The following MAD1L1 variants were observed in gnomAD, a reference collection of about 807,000 sequenced individuals.
MAD1L1 encodes the protein mitotic arrest deficient 1 like 1, also known as mitotic spindle assembly checkpoint protein MAD1.
MAD1L1 carries 95 observed loss-of-function variants against 96.9 expected under a neutral mutation model. The ratio of observed to expected loss-of-function variants is 0.98; its 90% CI spans 0.83 to 1.16. The LOEUF (loss-of-function observed/expected upper bound fraction) is 1.16, where lower values mean the gene tolerates loss of function less well. Ranked by LOEUF, MAD1L1 falls within the 50% of genes most tolerant of loss-of-function variation. The pLI is 0.00. For missense variants in MAD1L1, 1,007 were observed against 954.4 expected (o/e 1.06, Z -0.73); for synonymous variants, 473 against 396.6 (o/e 1.19, Z -2.29).
At position 1,829,172 on chromosome 7, in the gene MAD1L1, T is replaced by C. The variant is rs189712856; in HGVS notation, c.1999-12944A>G. Among the ~76,000 whole-genome samples the C allele has an allele frequency of 3.3e-5, 5 of 152,388 alleles. No homozygotes were observed. The East Asian group carries it at 9.6e-4, about 29-fold the overall frequency. ...AGTCCTGGAGGCAGGCTGGTGGCACTTCTGAAATGGCTCCTGATGGTCCCC... is the reference window on the plus strand; with the variant it reads ...AGTCCTGGAGGCAGGCTGGTGGCACCTCTGAAATGGCTCCTGATGGTCCCC... On this transcript the variant is annotated intron_variant, in intron 18 of 18. Transcript: ENST00000265854.
intron 12 of MAD1L1, among the ~76,000 whole-genome samples, chr7:2,048,152 G>C (rs529798092): frequency 6.6e-6 from 1 of 152,156 alleles, no homozygotes; most frequent in Non-Finnish European, 1.5e-5. Flanking sequence ...ACTGAGCACC[G>C]ACACGGGTGT....
chr7:2,168,612 T>C (rs1790552066), intron 10 of MAD1L1, among the ~76,000 whole-genome samples: 1 of 152,214 alleles, frequency 6.6e-6, no homozygotes, highest in Non-Finnish European at 1.5e-5. Flanking sequence ...GATCTGTGAT[T>C]CTCCTTCAGC....
chr7:1,863,380 C>T (rs2128648942), intron 18 of MAD1L1, among the ~76,000 whole-genome samples: 1 of 152,312 alleles, frequency 6.6e-6, no homozygotes, highest in African/African-American at 2.4e-5. Context: ...AGGCCCGGGG[C>T]CAGCGGCACG....
intron 11 of MAD1L1, among the ~76,000 whole-genome samples, chr7:2,100,643 C>T (rs967745584): frequency 6.6e-6 from 1 of 152,258 alleles, no homozygotes; most frequent in Non-Finnish European, 1.5e-5. Context: ...TTGGAAACGG[C>T]CGCACTGGGC....
chr7:2,224,853 G>C (rs1016920352), intron 4 of MAD1L1, among the ~76,000 whole-genome samples: 7 of 152,154 alleles, frequency 4.6e-5, no homozygotes, highest in Non-Finnish European at 1.0e-4. Context: ...AGCCGCCATT[G>C]AGACCGGCAC....
At position 2,149,250 on chromosome 7, in the gene MAD1L1, A is replaced by C. The variant is rs757959459; in HGVS notation, c.987-12T>G. ...GGTCTTCTGGAGTCCTGCAGGATAA[A>C]CAAGGCACACTCAGTTCCAGCTGTC... On this transcript the variant is annotated splice_polypyrimidine_tract_variant and intron_variant, in intron 10 of 18. Coordinates refer to ENST00000265854, the MANE Select transcript of MAD1L1 (RefSeq NM_001013836.2). The C allele has an allele frequency of 6.2e-7, 1 of 1,606,218 alleles. No individual in the cohort carries two copies. The highest frequency in any genetic ancestry group is 1.1e-5 in the South Asian group (1 of 90,792).
chr7:2,164,093 G>C (rs6972680), intron 10 of MAD1L1, among the ~76,000 whole-genome samples: 1 of 152,050 alleles, frequency 6.6e-6, no homozygotes, highest in Admixed American at 6.5e-5. Flanking sequence ...ACTGAGAAGC[G>C]GATGCATGCA....
At chr7:1,973,931 G>A (rs567586882) in intron 15 of MAD1L1, among the ~76,000 whole-genome samples, 1 of 152,352 alleles carries the variant, frequency 6.6e-6, no homozygotes, top group South Asian at 2.1e-4. Context: ...GCCGGCTGCT[G>A]AAGGCTGGGG....
chr7:2,156,509 C>T (rs1166187628), intron 10 of MAD1L1, among the ~76,000 whole-genome samples: 2 of 151,958 alleles, frequency 1.3e-5, no homozygotes, highest in Non-Finnish European at 2.9e-5. Context: ...CCGGAACTAC[C>T]GATCATCTGC....
chr7:1,874,285 G>A (rs750842821), intron 18 of MAD1L1, among the ~76,000 whole-genome samples: 12 of 152,174 alleles, frequency 7.9e-5, no homozygotes, highest in African/African-American at 2.9e-4. Flanking sequence ...AGACAACCGT[G>A]TCATCGCACG....
chr7:2,209,591 G>A (rs1020565325), intron 10 of MAD1L1, among the ~76,000 whole-genome samples: 1 of 152,186 alleles, frequency 6.6e-6, no homozygotes, highest in Non-Finnish European at 1.5e-5. Flanking sequence ...GGAGAGCAGC[G>A]GTCCACTAGG....
intron 11 of MAD1L1, among the ~76,000 whole-genome samples, chr7:2,072,145 G>A (rs962715617): frequency 2.6e-5 from 4 of 152,214 alleles, no homozygotes; most frequent in African/African-American, 9.7e-5. Context: ...CAGAAGGTGG[G>A]GACTGAGCCC....
intron 18 of MAD1L1, among the ~76,000 whole-genome samples, chr7:1,851,200 G>A (rs1310941478): frequency 6.6e-6 from 1 of 152,100 alleles, no homozygotes; most frequent in Admixed American, 6.5e-5. Context: ...CAGAGCGGGC[G>A]GCAGGAGCCC....
chr7:2,181,549 G>A (rs976253385), intron 10 of MAD1L1, among the ~76,000 whole-genome samples: 2 of 152,226 alleles, frequency 1.3e-5, no homozygotes, highest in Non-Finnish European at 2.9e-5. Context: ...AGATGTTGGC[G>A]TGGATGTGGT....
At position 1,871,653 on chromosome 7, in the gene MAD1L1, T is replaced by C. The variant is rs71523277; in HGVS notation, c.1998+26547A>G. Among the ~76,000 whole-genome samples the C allele has an allele frequency of 6.0e-3, 477 of 79,398 alleles. 2 individuals carry two copies. The highest frequency in any genetic ancestry group is 0.013 in the Middle Eastern group (1 of 76). 52.1% of individuals were successfully genotyped at this position (79,398 alleles called of 152,430 possible). A position where few individuals can be genotyped will look rare whatever the true frequency, so the allele number is the denominator to read the frequency against. ...CACTGAACCCAACATACGCCTGCCA[T>C]GCTGAACCCAACATACGCCTGCCAC... is the stretch of plus-strand genomic sequence containing the variant. On this transcript the variant is annotated intron_variant, in intron 18 of 18. Transcript: ENST00000265854.
In MAD1L1 at chr7:2,088,652, G is replaced by A. The variant is rs1319668716; in HGVS notation, c.1074-19314C>T. 6.5e-6 allele frequency: 1 copy of A among 152,672 alleles called. No homozygotes were observed. The highest frequency in any genetic ancestry group is 1.5e-5 in the Non-Finnish European group (1 of 68,438). The allele number at this position is 152,672 out of a possible 1,614,324, so 9.5% of individuals were successfully genotyped here. The stretch of plus-strand genomic sequence containing the variant: ...GCGAGAGGCAGCAAGGGGACGGGTG[G>A]AGGGAGTGCCATCTGTCACACTCCA... On this transcript the variant is annotated intron_variant, in intron 11 of 18. Coordinates refer to ENST00000265854, the MANE Select transcript of MAD1L1 (RefSeq NM_001013836.2). The surrounding 1 kb of genome is among the most constrained non-coding windows in gnomAD (Gnocchi z 4.4).
chr7:2,056,166 G>A (rs1784381299), intron 12 of MAD1L1, among the ~76,000 whole-genome samples: 1 of 152,212 alleles, frequency 6.6e-6, no homozygotes. Flanking sequence ...AACCCCTGGA[G>A]GGTCACAGAG....
chr7:2,004,591 A>G (rs991230018), intron 13 of MAD1L1, among the ~76,000 whole-genome samples: 2 of 152,210 alleles, frequency 1.3e-5, no homozygotes, highest in African/African-American at 2.4e-5. Flanking sequence ...GAATCACTGC[A>G]GGGTGGAGCC....
In MAD1L1 at chr7:1,929,721, C is replaced by CCGTCCCCT. The variant is rs1562532514; in HGVS notation, c.1807+6965_1807+6966insAGGGGACG. Reference sequence around the variant, plus strand: ...AGCCCCGCTGCCACGTCCCCTCGCCCATCCCCCACTGCCACGTCCCCTCGC... The same window carrying CCGTCCCCT: ...AGCCCCGCTGCCACGTCCCCTCGCCCCGTCCCCTATCCCCCACTGCCACGTCCCCTCGC... On this transcript the variant is annotated intron_variant, in intron 17 of 18. Coordinates refer to ENST00000265854, the MANE Select transcript of MAD1L1 (RefSeq NM_001013836.2). Among the ~76,000 whole-genome samples, 392 of 150,922 alleles carry CCGTCCCCT rather than the reference C, an allele frequency of 2.6e-3. 21 individuals are homozygous for CCGTCCCCT. The highest frequency in any genetic ancestry group is 7.9e-3 in the Admixed American group (120 of 15,154).
Sources: allele counts gnomAD v4.1 joint callset (sites outside exome capture counted in the v4.1 genomes callset), GRCh38; gene constraint gnomAD v4.1.1; non-coding constraint Gnocchi (gnomAD v3.1); transcripts MANE v1.5; gene names NCBI Gene and HGNC (gene_info 2026-07-23, HGNC 2026-07-21).